The following SYN3 variants were observed in gnomAD, a reference collection of about 807,000 sequenced individuals.
SYN3 encodes synapsin III.
SYN3 carries 35 observed loss-of-function variants against 65.8 expected under a neutral mutation model. That is an observed-to-expected ratio of 0.53 (90% CI 0.41 to 0.70). SYN3 has a LOEUF of 0.70. SYN3 is among the 30% of genes least tolerant of loss of function. SYN3 has a pLI of 0.00. For synonymous variants in SYN3, 270 were observed against 292.9 expected (o/e 0.92, Z 0.80); for missense variants, 680 against 749.0 (o/e 0.91, Z 1.08).
intron 7 of SYN3, among the ~76,000 whole-genome samples, chr22:32,570,027 C>G (rs1343376390): frequency 6.6e-6 from 1 of 152,226 alleles, no homozygotes; most frequent in African/African-American, 2.4e-5. Context: ...ACCCCTCTCC[C>G]AGTCCTCTGA....
intron 6 of SYN3, among the ~76,000 whole-genome samples, chr22:32,829,846 A>C (rs1022221225): frequency 2.0e-5 from 3 of 152,158 alleles, no homozygotes; most frequent in African/African-American, 7.2e-5. Context: ...GCCCAACCAA[A>C]CTACACCCCA....
intron 6 of SYN3, among the ~76,000 whole-genome samples, chr22:32,611,870 G>C (rs2059450518): frequency 6.6e-6 from 1 of 152,124 alleles, no homozygotes; most frequent in Admixed American, 6.5e-5. Context: ...GCTTCAGGAT[G>C]GGGGCTGGTC....
Position 32,773,694 on chromosome 22 carries a change from T to C in SYN3, c.711+91221A>G, listed in dbSNP as rs139605052. Among the ~76,000 whole-genome samples the C allele has an allele frequency of 2.5e-3, 388 of 152,320 alleles. 4 individuals carry two copies. Among genetic ancestry groups the C allele is most frequent in the African/African-American group, 8.7e-3 (363 of 41,572 alleles). On this transcript the variant is annotated intron_variant, in intron 6 of 13. Transcript: ENST00000358763. ...CCCACTGGTCTATTGTATGCTGGGCTCTGGGCTGGGCCTTGAGGACAGTGT... is the reference window on the plus strand; with the variant it reads ...CCCACTGGTCTATTGTATGCTGGGCCCTGGGCTGGGCCTTGAGGACAGTGT...
chr22:32,998,789 A>AC (rs1601874508), intron 2 of SYN3, among the ~76,000 whole-genome samples: 1 of 141,462 alleles, frequency 7.1e-6, no homozygotes, highest in Non-Finnish European at 1.6e-5. Flanking sequence ...AAAAAAAAAA[A>AC]AAAAAAAAAA....
At chr22:33,053,497 T>C (rs1411307781) in intron 1 of SYN3, among the ~76,000 whole-genome samples, 2 of 152,176 alleles carry the variant, frequency 1.3e-5, no homozygotes, top group Admixed American at 6.5e-5. Context: ...GACCCGACCT[T>C]GCTACCCTTT....
At chr22:32,527,817 C>G in intron 12 of SYN3, 101 bp downstream of exon 12, 1 of 992,388 alleles carries the variant, frequency 1.0e-6, no homozygotes, top group Non-Finnish European at 1.5e-6. Context: ...TATTCAGGTG[C>G]ATTTTCCCAG....
intron 6 of SYN3, among the ~76,000 whole-genome samples, chr22:32,666,933 C>T (rs1742982753): frequency 6.6e-6 from 1 of 152,158 alleles, no homozygotes; most frequent in African/African-American, 2.4e-5. Context: ...CTCCATATTC[C>T]AGCCTCTACC....
intron 7 of SYN3, among the ~76,000 whole-genome samples, chr22:32,584,743 T>A (rs955601419): frequency 3.3e-5 from 5 of 152,136 alleles, no homozygotes; most frequent in Non-Finnish European, 7.3e-5. Flanking sequence ...GAGGGTGGTA[T>A]TCTTTCTTTC....
intron 6 of SYN3, among the ~76,000 whole-genome samples, chr22:32,794,792 A>C (rs1345672783): frequency 6.6e-6 from 1 of 152,146 alleles, no homozygotes; most frequent in East Asian, 1.9e-4. Flanking sequence ...AGGACCGGAA[A>C]ATATTCACTA....
intron 10 of SYN3, 106 bp from the exon 11 acceptor site, chr22:32,529,114 C>G (rs922115931): frequency 1.4e-6 from 2 of 1,409,058 alleles, no homozygotes; most frequent in Non-Finnish European, 2.0e-6. Flanking sequence ...GAAGTGACCA[C>G]CAGATGGCGA....
At chr22:32,740,946 A>C (rs911466231) in intron 6 of SYN3, among the ~76,000 whole-genome samples, 1 of 152,160 alleles carries the variant, frequency 6.6e-6, no homozygotes, top group Non-Finnish European at 1.5e-5. Context: ...TGAAAATCGC[A>C]GTCCCGTGGG....
chr22:32,591,571 A>AATT (rs2146556923), intron 7 of SYN3, among the ~76,000 whole-genome samples: 1 of 152,366 alleles, frequency 6.6e-6, no homozygotes, highest in South Asian at 2.1e-4. Context: ...CATCCTGAGT[A>AATT]ATTACAATTC....
intron 3 of SYN3, among the ~76,000 whole-genome samples, chr22:32,945,829 T>A (rs920801112): frequency 6.6e-6 from 1 of 152,110 alleles, no homozygotes; most frequent in East Asian, 1.9e-4. Flanking sequence ...TACAAAGTAC[T>A]CAAACAAATT....
chr22:32,617,813 G>A (rs1349955776), intron 6 of SYN3, among the ~76,000 whole-genome samples: 2 of 151,696 alleles, frequency 1.3e-5, no homozygotes, highest in African/African-American at 2.4e-5. Context: ...AGGGGTTGGG[G>A]TCAGGGAGAG....
chr22:32,922,280 G>T (rs1239749547), intron 4 of SYN3, among the ~76,000 whole-genome samples: 1 of 152,146 alleles, frequency 6.6e-6, no homozygotes, highest in East Asian at 1.9e-4. Flanking sequence ...TCCTAGCTTT[G>T]CCACTTATTG....
chr22:33,006,080 T>C (rs571197784), intron 2 of SYN3, among the ~76,000 whole-genome samples: 1 of 152,316 alleles, frequency 6.6e-6, no homozygotes, highest in South Asian at 2.1e-4. Context: ...AAACATTTTC[T>C]AGTTTCCAGA....
Position 32,891,939 on chromosome 22 carries a change from A to G in SYN3, c.462-22814T>C, listed in dbSNP as rs540674359. ...ATTCCAGGTCTATATAAAAGGTATT[A>G]TTTGGAGACCAGGTATTGTTTCAAG... On this transcript the variant is annotated intron_variant, in intron 4 of 13. Coordinates refer to ENST00000358763, the MANE Select transcript of SYN3 (RefSeq NM_003490.4). Among the ~76,000 whole-genome samples, 133 of 151,998 alleles carry G rather than the reference A, an allele frequency of 8.8e-4. 2 individuals are homozygous for G. Among genetic ancestry groups the G allele is most frequent in the South Asian group, 6.7e-3 (32 of 4,798 alleles).
intron 1 of SYN3, among the ~76,000 whole-genome samples, chr22:33,016,111 G>A (rs548918881): frequency 5.8e-4 from 88 of 152,196 alleles, no homozygotes; most frequent in African/African-American, 1.9e-3. Context: ...CTCCCAAAGT[G>A]CTGGGATTAC....
chr22:32,624,634 G>A (rs983100615), intron 6 of SYN3, among the ~76,000 whole-genome samples: 2 of 152,204 alleles, frequency 1.3e-5, no homozygotes, highest in Non-Finnish European at 2.9e-5. Context: ...CTCCAGGATC[G>A]GAGTGGAGCT....
Sources: allele counts gnomAD v4.1 joint callset (sites outside exome capture counted in the v4.1 genomes callset), GRCh38; gene constraint gnomAD v4.1.1; transcripts MANE v1.5; gene names NCBI Gene and HGNC (gene_info 2026-07-23, HGNC 2026-07-21).